The following RBFOX1 variants were observed in gnomAD, a reference collection of about 807,000 sequenced individuals.
RBFOX1 encodes RNA binding fox-1 homolog 1.
A neutral mutation model predicts 57.7 loss-of-function variants in RBFOX1; 8 were observed. The ratio of observed to expected loss-of-function variants is 0.14; its 90% CI spans 0.08 to 0.25. The LOEUF is 0.25. RBFOX1 is among the 10% of genes least tolerant of loss of function. The probability of loss-of-function intolerance (pLI) is 1.00; values close to 1 mark genes in which losing one functional copy is unlikely to be tolerated. For missense variants in RBFOX1, 611 were observed against 548.5 expected (o/e 1.11, Z -1.14); for synonymous variants, 326 against 222.4 (o/e 1.47, Z -4.15).
intron 2 of RBFOX1, among the ~76,000 whole-genome samples, chr16:6,597,969 C>T (rs576559950): frequency 3.7e-4 from 57 of 152,262 alleles, no homozygotes; most frequent in African/African-American, 1.2e-3. Flanking sequence ...TTAATAACAC[C>T]GGGAGTTGCT....
chr16:5,359,675 A>G (rs955537440), intron 1 of RBFOX1, among the ~76,000 whole-genome samples: 8 of 152,188 alleles, frequency 5.3e-5, no homozygotes, highest in South Asian at 2.1e-4. Flanking sequence ...GACTTTTCCT[A>G]TTGAGTCGTT....
chr16:6,597,472 G>C (rs886392703), intron 2 of RBFOX1, among the ~76,000 whole-genome samples: 2 of 152,044 alleles, frequency 1.3e-5, no homozygotes, highest in African/African-American at 4.8e-5. Context: ...AGGAGTTTGA[G>C]ACCACCCTGA....
Position 6,009,200 on chromosome 16 carries a change from C to G in RBFOX1, c.351+141865C>G, listed in dbSNP as rs542729147. Among the ~76,000 whole-genome samples the G allele has an allele frequency of 2.4e-4, 37 of 151,962 alleles. No homozygotes were observed. The East Asian group carries it at 2.9e-3, about 12-fold the overall frequency. On this transcript the variant is annotated intron_variant, in intron 4 of 19. Coordinates refer to the RBFOX1 transcript ENST00000641259. The stretch of plus-strand genomic sequence containing the variant: ...AACAGTGATTCCAGGTCCAGGATGA[C>G]TGCCACTTCGTGGTCTCTAAAAAAG...
chr16:7,295,814 C>T (rs543448678), intron 4 of RBFOX1, among the ~76,000 whole-genome samples: 2 of 152,234 alleles, frequency 1.3e-5, no homozygotes, highest in African/African-American at 2.4e-5. Context: ...CATTGAGGAA[C>T]AAGAATAAAC....
chr16:7,277,365 A>G (rs780872878), intron 4 of RBFOX1, among the ~76,000 whole-genome samples: 12 of 152,210 alleles, frequency 7.9e-5, no homozygotes, highest in Non-Finnish European at 1.6e-4. Flanking sequence ...TCTTTAGAAA[A>G]CCTTTCCTGA....
intron 3 of RBFOX1, among the ~76,000 whole-genome samples, chr16:6,728,322 G>A (rs576658065): frequency 1.3e-5 from 2 of 152,208 alleles, no homozygotes; most frequent in South Asian, 2.1e-4. Context: ...AGTGAAAAAC[G>A]TAACTTGAGC....
intron 3 of RBFOX1, among the ~76,000 whole-genome samples, chr16:6,682,868 A>G (rs898532285): frequency 7.8e-5 from 10 of 127,616 alleles, no homozygotes; most frequent in African/African-American, 3.0e-4. Flanking sequence ...AAAGAAAAGA[A>G]TTAAAAAAAA....
At chr16:5,997,521 T>G (rs1284993911) in intron 4 of RBFOX1, among the ~76,000 whole-genome samples, 1 of 152,208 alleles carries the variant, frequency 6.6e-6, no homozygotes, top group East Asian at 1.9e-4. Context: ...CACCTGTACT[T>G]TATCTGACAT....
At chr16:5,911,023 A>G (rs559538165) in intron 4 of RBFOX1, among the ~76,000 whole-genome samples, 2 of 152,196 alleles carry the variant, frequency 1.3e-5, no homozygotes, top group East Asian at 3.9e-4. Context: ...CACCTCTCTT[A>G]TCTGTAATCA....
intron 3 of RBFOX1, among the ~76,000 whole-genome samples, chr16:5,733,345 A>G (rs1398506051): frequency 1.3e-5 from 2 of 152,152 alleles, no homozygotes; most frequent in African/African-American, 2.4e-5. Flanking sequence ...TCTGGCAGCC[A>G]TGGGGGTCCA....
chr16:7,417,864 T>C (rs773320059), intron 4 of RBFOX1, among the ~76,000 whole-genome samples: 10 of 152,174 alleles, frequency 6.6e-5, no homozygotes, highest in Admixed American at 3.3e-4. Flanking sequence ...TGACGCACTT[T>C]CGTTCCTCTG....
intron 3 of RBFOX1, among the ~76,000 whole-genome samples, chr16:6,692,578 C>T (rs1430446185): frequency 6.6e-6 from 1 of 152,144 alleles, no homozygotes; most frequent in East Asian, 1.9e-4. Context: ...TACACTCTAG[C>T]AAAGCTGGAA....
chr16:5,908,237 TAC>T (rs1567133957), intron 4 of RBFOX1, among the ~76,000 whole-genome samples: 1 of 148,468 alleles, frequency 6.7e-6, no homozygotes, highest in South Asian at 2.1e-4. Context: ...CACATATATA[TAC>T]ATATACATAC....
At chr16:5,582,117 G>A (rs186766511) in intron 2 of RBFOX1, among the ~76,000 whole-genome samples, 156 of 152,330 alleles carry the variant, frequency 1.0e-3, no homozygotes, top group African/African-American at 3.6e-3. Flanking sequence ...CTGCAGGCAG[G>A]CAGTCTCGAG....
At chr16:6,548,069 A>G (rs1451936243) in intron 2 of RBFOX1, among the ~76,000 whole-genome samples, 2 of 152,190 alleles carry the variant, frequency 1.3e-5, no homozygotes, top group Non-Finnish European at 2.9e-5. Context: ...TGCAGGACCT[A>G]CTATTAACTT....
chr16:5,502,511 C>G (rs551242290), intron 2 of RBFOX1, among the ~76,000 whole-genome samples: 15 of 152,150 alleles, frequency 9.9e-5, no homozygotes, highest in Non-Finnish European at 1.8e-4. Context: ...TTCTCTGGGT[C>G]TGGCTGGAGA....
At chr16:5,436,890 G>A (rs1597062035) in intron 1 of RBFOX1, among the ~76,000 whole-genome samples, 1 of 151,950 alleles carries the variant, frequency 6.6e-6, no homozygotes, top group African/African-American at 2.4e-5. Flanking sequence ...TGAATATTTA[G>A]TTTCATCCCA....
chr16:5,603,321 A>G (rs993537393), downstream of RBFOX1, among the ~76,000 whole-genome samples: 2 of 152,226 alleles, frequency 1.3e-5, no homozygotes, highest in Non-Finnish European at 2.9e-5. Context: ...GGGAAGACCT[A>G]TTCAAACTAT....
At chr16:7,304,174 G>A in intron 4 of RBFOX1, 15 of 976,592 alleles carry the variant, frequency 1.5e-5, no homozygotes, top group East Asian at 1.2e-4. Flanking sequence ...GCGGTGGGGG[G>A]AGGGAGGAGG....
Sources: gnomAD v4.1 joint callset for allele counts (sites outside exome capture counted in the v4.1 genomes callset) on GRCh38, gnomAD v4.1.1 for gene constraint, MANE v1.5 for transcripts, NCBI Gene and HGNC (gene_info 2026-07-23, HGNC 2026-07-21) for gene names.